Variants in ATP1B3 observed in about 807,000 individuals in gnomAD.
ATP1B3 encodes the protein ATPase Na+/K+ transporting subunit beta 3, also known as sodium/potassium-transporting ATPase subunit beta-3.
A neutral mutation model predicts 30.2 loss-of-function variants in ATP1B3; 10 were observed. The ratio of observed to expected loss-of-function variants is 0.33; its 90% CI spans 0.20 to 0.56. The LOEUF (loss-of-function observed/expected upper bound fraction) is 0.56. ATP1B3 is among the 20% of genes least tolerant of loss of function. The probability of loss-of-function intolerance (pLI) is 0.90; values close to 1 mark genes in which losing one functional copy is unlikely to be tolerated. For synonymous variants in ATP1B3, 113 were observed against 117.0 expected (o/e 0.97, Z 0.22); for missense variants, 238 against 336.7 (o/e 0.71, Z 2.29).
intron 1 of ATP1B3, chr3:141,902,003 C>T: frequency 1.8e-6 from 1 of 569,540 alleles, no homozygotes; most frequent in Non-Finnish European, 2.9e-6. Context: ...TTCGTTCCTG[C>T]AGACACCTAG....
intron 3 of ATP1B3, among the ~76,000 whole-genome samples, chr3:141,911,326 C>T (rs1168083705): frequency 6.6e-6 from 1 of 152,006 alleles, no homozygotes. Context: ...GCTGTCAATC[C>T]TTATGCCCTC....
At chr3:141,884,402 A>T (rs1218350088) in intron 1 of ATP1B3, among the ~76,000 whole-genome samples, 1 of 152,066 alleles carries the variant, frequency 6.6e-6, no homozygotes, top group African/African-American at 2.4e-5. Context: ...TAGCTCTCTA[A>T]CCATTCCTTT....
intron 1 of ATP1B3, among the ~76,000 whole-genome samples, chr3:141,892,592 G>A (rs1933975440): frequency 6.8e-6 from 1 of 147,622 alleles, no homozygotes; most frequent in African/African-American, 2.5e-5. Flanking sequence ...GGGAGGCAGA[G>A]GCTGCAGCAA....
At chr3:141,878,694 CAAGTG>C (rs1933655246) in intron 1 of ATP1B3, among the ~76,000 whole-genome samples, 1 of 152,170 alleles carries the variant, frequency 6.6e-6, no homozygotes, top group African/African-American at 2.4e-5. Context: ...AAAACTAGTA[CAAGTG>C]AAGTTGGGAT....
At chr3:141,913,565 A>G (rs1934405188) in intron 3 of ATP1B3, 87 bp from the exon 4 acceptor site, 1 of 1,165,664 alleles carries the variant, frequency 8.6e-7, no homozygotes, top group African/African-American at 1.6e-5. Context: ...TTGTCTTTGA[A>G]GAACATTTTC....
chr3:141,903,894 G>T, intron 2 of ATP1B3, 146 bp downstream of exon 2: 1 of 873,842 alleles, frequency 1.1e-6, no homozygotes, highest in East Asian at 3.0e-5. Context: ...CGATTCTCCT[G>T]CCTCCTCAGC....
At chr3:141,908,167 T>C (rs1415772502) in intron 3 of ATP1B3, among the ~76,000 whole-genome samples, 1 of 151,400 alleles carries the variant, frequency 6.6e-6, no homozygotes, top group Non-Finnish European at 1.5e-5. Context: ...GATGGGAAAT[T>C]ATGTTTATTA....
chr3:141,920,116 GCA>G (rs1367480133), intron 5 of ATP1B3, among the ~76,000 whole-genome samples: 1 of 152,090 alleles, frequency 6.6e-6, no homozygotes, highest in African/African-American at 2.4e-5. Context: ...CACGTCTTAG[GCA>G]CACACAGAGA....
chr3:141,909,064 T>C (rs902577268), intron 3 of ATP1B3, among the ~76,000 whole-genome samples: 2 of 152,314 alleles, frequency 1.3e-5, no homozygotes, highest in Admixed American at 6.5e-5. Context: ...ATCCTTCCTG[T>C]CAACTTGAAA....
chr3:141,879,173 T>C (rs1165756787), intron 1 of ATP1B3, among the ~76,000 whole-genome samples: 1 of 152,180 alleles, frequency 6.6e-6, no homozygotes, highest in Non-Finnish European at 1.5e-5. Flanking sequence ...AACAAAAGGA[T>C]CATAAAGTGT....
chr3:141,919,726 G>C (rs1934533342), intron 5 of ATP1B3, among the ~76,000 whole-genome samples: 2 of 152,194 alleles, frequency 1.3e-5, no homozygotes, highest in Admixed American at 1.3e-4. Context: ...ATCACCAGAG[G>C]TCAGGAATTC....
chr3:141,907,735 A>G (rs1934288092), intron 3 of ATP1B3, among the ~76,000 whole-genome samples: 1 of 152,178 alleles, frequency 6.6e-6, no homozygotes, highest in South Asian at 2.1e-4. Flanking sequence ...TAAGCAGACA[A>G]CTGAGCAAGT....
intron 2 of ATP1B3, 54 bp from the exon 3 acceptor site, chr3:141,907,113 G>A: frequency 7.4e-7 from 1 of 1,353,072 alleles, no homozygotes; most frequent in Non-Finnish European, 1.0e-6. Flanking sequence ...GAGATAAGAG[G>A]AAGGAAAAGA....
chr3:141,924,738 C>T (rs374885333), intron 6 of ATP1B3, among the ~76,000 whole-genome samples: 2 of 151,780 alleles, frequency 1.3e-5, no homozygotes, highest in African/African-American at 2.4e-5. Context: ...GGACAGATCA[C>T]GAGGTCAGGA....
At chr3:141,878,106 A>G (rs1933643017) in intron 1 of ATP1B3, among the ~76,000 whole-genome samples, 1 of 152,070 alleles carries the variant, frequency 6.6e-6, no homozygotes, top group Admixed American at 6.6e-5. Flanking sequence ...GCCTTGGAGG[A>G]TTTTTAGCCC....
At chr3:141,891,041 G>T (rs557857617) in intron 1 of ATP1B3, among the ~76,000 whole-genome samples, 1 of 152,124 alleles carries the variant, frequency 6.6e-6, no homozygotes, top group African/African-American at 2.4e-5. Flanking sequence ...CATTATCACA[G>T]ATTTAACAGT....
intron 2 of ATP1B3, among the ~76,000 whole-genome samples, chr3:141,906,895 A>G (rs3804773): frequency 0.11 from 16,430 of 152,306 alleles, 1,088 homozygotes; most frequent in Middle Eastern, 0.16. Flanking sequence ...GTAAAATTGC[A>G]TCTTTTAAAA....
At chr3:141,880,375 C>G (rs1933699583) in intron 1 of ATP1B3, among the ~76,000 whole-genome samples, 1 of 152,136 alleles carries the variant, frequency 6.6e-6, no homozygotes, top group African/African-American at 2.4e-5. Flanking sequence ...TTGGGTGATC[C>G]AAGTGTACTT....
Position 141,876,698 on chromosome 3 carries a change from A to G in ATP1B3, c.-104A>G. The G allele has an allele frequency of 1.3e-6, 1 of 790,292 alleles. No individual in the cohort carries two copies. The highest frequency in any genetic ancestry group is 2.0e-6 in the Non-Finnish European group (1 of 490,652). The allele number at this position is 790,292 out of a possible 1,614,324, so 49.0% of individuals were successfully genotyped here. On this transcript the variant is annotated 5_prime_UTR_variant, in exon 1 of 7. Coordinates refer to ENST00000286371, the MANE Select transcript of ATP1B3 (RefSeq NM_001679.4). ...GGTGTTCTCGGCCGTCCCACCCTTC[A>G]CTGCCGTCTCCGGGCTGCGCCGCCG...
Sources: allele counts gnomAD v4.1 joint callset (sites outside exome capture counted in the v4.1 genomes callset), GRCh38; gene constraint gnomAD v4.1.1; transcripts MANE v1.5; gene names NCBI Gene and HGNC (gene_info 2026-07-23, HGNC 2026-07-21).